The following TTBK2 variants were observed in gnomAD, a reference collection of about 807,000 sequenced individuals.
TTBK2 encodes tau tubulin kinase 2.
TTBK2 carries 28 observed loss-of-function variants against 110.8 expected under a neutral mutation model. The observed-to-expected ratio is 0.25, with a 90% CI of 0.19 to 0.35. TTBK2 has a LOEUF of 0.35. Ranked by LOEUF, TTBK2 falls within the 10% of genes least tolerant of loss-of-function variation. The probability of loss-of-function intolerance (pLI) is 1.00; values close to 1 mark genes in which losing one functional copy is unlikely to be tolerated. For synonymous variants in TTBK2, 532 were observed against 527.3 expected (o/e 1.01, Z -0.12); for missense variants, 1,369 against 1,500.3 (o/e 0.91, Z 1.45).
intron 7 of TTBK2, among the ~76,000 whole-genome samples, chr15:42,815,978 T>TATATATATATATA (rs1567040652): frequency 9.1e-6 from 1 of 110,486 alleles, no homozygotes; most frequent in African/African-American, 4.3e-5. Context: ...TATATATATA[T>TATATATATATATA]TTGAGACGGA....
Position 42,742,533 on chromosome 15 carries a change from A to G in TTBK2, c.*3262T>C, listed in dbSNP as rs1368972141. On this transcript the variant is annotated 3_prime_UTR_variant, in exon 15 of 15. Coordinates refer to ENST00000267890, the MANE Select transcript of TTBK2 (RefSeq NM_173500.4). The stretch of plus-strand genomic sequence containing the variant: ...TTCAACCAATCCATAGACCCTGAGG[A>G]TTTGGCAGCAGAATTCAGGAGAAAT... 2 of 152,206 alleles carry G rather than the reference A, an allele frequency of 1.3e-5. No individual in the cohort carries two copies. The highest frequency in any genetic ancestry group is 2.9e-5 in the Non-Finnish European group (2 of 68,028). 9.4% of individuals were successfully genotyped at this position (152,206 alleles called of 1,614,324 possible).
rs2061741368 is a variant in TTBK2, at chr15:42,740,142, C to G, written c.*5653G>C. ...GTTCCCTAGGTCAAGGAACCCAGAG[C>G]CAGGGTACCTGGGAGGCATGGTCAG... On this transcript the variant is annotated 3_prime_UTR_variant, in exon 15 of 15. Coordinates refer to ENST00000267890, the MANE Select transcript of TTBK2 (RefSeq NM_173500.4). 6.6e-6 allele frequency: 1 copy of G among 152,186 alleles called. No individual in the cohort carries two copies. The highest frequency in any genetic ancestry group is 2.4e-5 in the African/African-American group (1 of 41,444). 9.4% of individuals were successfully genotyped at this position (152,186 alleles called of 1,614,324 possible).
At chr15:42,868,442 T>C (rs1043784467) in intron 3 of TTBK2, among the ~76,000 whole-genome samples, 2 of 152,104 alleles carry the variant, frequency 1.3e-5, no homozygotes, top group Non-Finnish European at 2.9e-5. Context: ...AGTACATGCA[T>C]GTGTGAGGGC....
chr15:42,830,904 C>T (rs1218583612), intron 4 of TTBK2, among the ~76,000 whole-genome samples: 2 of 151,764 alleles, frequency 1.3e-5, no homozygotes, highest in South Asian at 2.1e-4. Flanking sequence ...ACTCGGGAGG[C>T]TGAGGCAGAA....
Position 42,872,594 on chromosome 15 carries a change from T to C in TTBK2, c.217+17A>G. The C allele has an allele frequency of 6.2e-7, 1 of 1,613,602 alleles. No homozygotes were observed. The highest frequency in any genetic ancestry group is 8.5e-7 in the Non-Finnish European group (1 of 1,179,612). The stretch of plus-strand genomic sequence containing the variant: ...TAACATACAAATCATAAATTGTATA[T>C]TCTACAAAGGGCTTACCTTGCAGCT... On this transcript the variant is annotated intron_variant, in intron 3 of 14. Transcript: ENST00000267890.
intron 13 of TTBK2, among the ~76,000 whole-genome samples, chr15:42,761,472 C>T (rs2062024883): frequency 2.0e-5 from 3 of 148,528 alleles, no homozygotes; most frequent in African/African-American, 7.5e-5. Flanking sequence ...GCAAAGGAAA[C>T]AGTCAATAGA....
At chr15:42,896,529 G>A (rs770265878) in intron 1 of TTBK2, among the ~76,000 whole-genome samples, 13 of 152,168 alleles carry the variant, frequency 8.5e-5, no homozygotes, top group Non-Finnish European at 1.8e-4. Context: ...GCTCACACCT[G>A]TAATCCCAGC....
In TTBK2 at chr15:42,919,684, GAA is replaced by G. The variant is rs577989312; in HGVS notation, c.-68+752_-68+753del. On this transcript the variant is annotated intron_variant, in intron 1 of 14. Coordinates refer to ENST00000267890, the MANE Select transcript of TTBK2 (RefSeq NM_173500.4). ...GAATAATTTCTAAAGCGATGAGAGAGAAGAGTTAATACCAGGATTGCTGCTAC... is the reference window on the plus strand; with the variant it reads ...GAATAATTTCTAAAGCGATGAGAGAGGAGTTAATACCAGGATTGCTGCTAC... 1.0e-3 allele frequency: 429 copies of G among 410,756 alleles called. 2 individuals carry two copies. Among genetic ancestry groups the G allele is most frequent in the African/African-American group, 9.1e-3 (418 of 46,100 alleles). The allele number at this position is 410,756 out of a possible 1,614,324, so 25.4% of individuals were successfully genotyped here.
At chr15:42,919,456 T>C (rs927918728) in intron 1 of TTBK2, among the ~76,000 whole-genome samples, 4 of 152,182 alleles carry the variant, frequency 2.6e-5, no homozygotes, top group Non-Finnish European at 5.9e-5. Flanking sequence ...TAGATACCAA[T>C]GCAACTATTA....
chr15:42,894,274 C>G (rs1028399452), intron 1 of TTBK2, among the ~76,000 whole-genome samples: 1 of 152,110 alleles, frequency 6.6e-6, no homozygotes, highest in African/African-American at 2.4e-5. Flanking sequence ...ATTACCCAGT[C>G]TCAGGTAAGT....
In TTBK2 at chr15:42,837,282, T is replaced by C. The variant is rs541564872; in HGVS notation, c.291+3078A>G. ...CTGAGGCAGGAGAATCACTTGAACC[T>C]GGGAGGCGAAGGTTGCAGTGAGCTG... is the stretch of plus-strand genomic sequence containing the variant. On this transcript the variant is annotated intron_variant, in intron 4 of 14. Transcript: ENST00000267890. Among the ~76,000 whole-genome samples, 9 of 143,384 alleles carry C rather than the reference T, an allele frequency of 6.3e-5. No homozygotes were observed. In the East Asian group the frequency reaches 1.5e-3, roughly 23 times the overall value. The allele number at this position is 143,384 out of a possible 152,430, so 94.1% of individuals were successfully genotyped here.
In TTBK2 at chr15:42,810,492, T is replaced by G. The variant is rs1891662133; in HGVS notation, c.822+122A>C. Reference sequence around the variant, plus strand: ...ATTTCACCATGTTTCTCAGGATGTATTAAAACAGTCGTATTCTAAGGACCT... The same window carrying G: ...ATTTCACCATGTTTCTCAGGATGTAGTAAAACAGTCGTATTCTAAGGACCT... On this transcript the variant is annotated intron_variant, in intron 9 of 14. Transcript: ENST00000267890. 2.4e-6 allele frequency: 3 copies of G among 1,234,358 alleles called. No homozygotes were observed. The South Asian group carries it at 3.8e-5, about 15-fold the overall frequency. 76.5% of individuals were successfully genotyped at this position (1,234,358 alleles called of 1,614,324 possible). A position where few individuals can be genotyped will look rare whatever the true frequency, so the allele number is the denominator to read the frequency against.
In TTBK2 at chr15:42,777,898, G is replaced by C. The variant is rs1292896427; in HGVS notation, c.1198-656C>G. On this transcript the variant is annotated intron_variant, in intron 11 of 14. Coordinates refer to ENST00000267890, the MANE Select transcript of TTBK2 (RefSeq NM_173500.4). ...AGACCCTCAAGAGGATGCCTAACTGGCTCAAATTGGTGATATACTCAGGGT... is the reference window on the plus strand; with the variant it reads ...AGACCCTCAAGAGGATGCCTAACTGCCTCAAATTGGTGATATACTCAGGGT... Among the ~76,000 whole-genome samples the C allele has an allele frequency of 3.3e-5, 5 of 152,212 alleles. No individual in the cohort carries two copies. The South Asian group carries it at 8.3e-4, about 25-fold the overall frequency.
chr15:42,840,433 C>G lies in TTBK2; in HGVS notation c.218G>C (p.Gly73Ala), dbSNP rs1893172066. The G allele has an allele frequency of 6.2e-7, 1 of 1,613,366 alleles. No individual in the cohort carries two copies. Among genetic ancestry groups the G allele is most frequent in the Non-Finnish European group, 8.5e-7 (1 of 1,179,652 alleles). Reference sequence around the variant, plus strand: ...AATAAATCTACAAACATGGTCTTTCCCTGGATAAAAAAAGAAAACAGTGGA... The same window carrying G: ...AATAAATCTACAAACATGGTCTTTCGCTGGATAAAAAAAGAAAACAGTGGA... Reference protein sequence around the residue: ...MEVAVLKKLQGKDHVCRFIGC... With the variant: ...MEVAVLKKLQAKDHVCRFIGC... Residue 73 changes from glycine (G) to alanine (A), a missense_variant and splice_region_variant, in exon 4 of 15, where the codon GGG (glycine) becomes GCG (alanine). Transcript: ENST00000267890.
Position 42,798,126 on chromosome 15 carries a change from C to T in TTBK2, c.823-3325G>A, listed in dbSNP as rs568742422. On this transcript the variant is annotated intron_variant, in intron 9 of 14. Transcript: ENST00000267890. ...CTGAAACTCCTGACCTCAGGTGATC[C>T]ACCCACCTCGGCCTCCCTAAGTGCT... is the stretch of plus-strand genomic sequence containing the variant. The T allele has an allele frequency of 7.5e-4, 320 of 428,220 alleles. 5 individuals carry two copies. Among genetic ancestry groups the T allele is most frequent in the Middle Eastern group, 6.3e-3 (18 of 2,878 alleles). The allele number at this position is 428,220 out of a possible 1,614,324, so 26.5% of individuals were successfully genotyped here.
chr15:42,851,650 T>C (rs1252413071), intron 3 of TTBK2, among the ~76,000 whole-genome samples: 1 of 152,072 alleles, frequency 6.6e-6, no homozygotes, highest in Non-Finnish European at 1.5e-5. Context: ...ATATGGATGA[T>C]TATATATTAT....
chr15:42,862,182 G>GA (rs1288982950), intron 3 of TTBK2, among the ~76,000 whole-genome samples: 2 of 151,836 alleles, frequency 1.3e-5, no homozygotes, highest in South Asian at 2.1e-4. Flanking sequence ...CAATCCGACT[G>GA]AAACTATTTA....
chr15:42,846,895 A>C (rs1246567954), intron 3 of TTBK2, among the ~76,000 whole-genome samples: 3 of 152,188 alleles, frequency 2.0e-5, no homozygotes, highest in East Asian at 3.8e-4. Flanking sequence ...TTTGCTGAAT[A>C]AGTGGAAGTG....
intron 1 of TTBK2, among the ~76,000 whole-genome samples, chr15:42,911,273 A>C (rs2030741066): frequency 6.6e-6 from 1 of 152,090 alleles, no homozygotes; most frequent in Non-Finnish European, 1.5e-5. Flanking sequence ...TGTCCTTGAT[A>C]CTTTGCAATG....
Sources: gnomAD v4.1 joint callset for allele counts (sites outside exome capture counted in the v4.1 genomes callset) on GRCh38, gnomAD v4.1.1 for gene constraint, MANE v1.5 for transcripts, NCBI Gene and HGNC (gene_info 2026-07-23, HGNC 2026-07-21) for gene names.